MYBPC2: variants seen among roughly 807,000 people sequenced by gnomAD.
The protein encoded by MYBPC2 is myosin binding protein C2, also known as myosin-binding protein C, fast-type.
A neutral mutation model predicts 137.0 loss-of-function variants in MYBPC2; 122 were observed. The ratio of observed to expected loss-of-function variants is 0.89; its 90% CI spans 0.77 to 1.03. The LOEUF is 1.03. MYBPC2 is among the 50% of genes least tolerant of loss of function. The pLI is 0.00. For synonymous variants in MYBPC2, 626 were observed against 612.3 expected (o/e 1.02, Z -0.33); for missense variants, 1,500 against 1,534.4 (o/e 0.98, Z 0.37).
intron 4 of MYBPC2, 36 bp from the exon 5 acceptor site, chr19:50,436,581 G>T (rs746272032): frequency 6.4e-7 from 1 of 1,565,184 alleles, no homozygotes; most frequent in Non-Finnish European, 8.8e-7. Flanking sequence ...TCTAGAGGGT[G>T]GTCCCGTGCA....
intron 25 of MYBPC2, 97 bp downstream of exon 25, chr19:50,461,798 C>A: frequency 6.3e-7 from 1 of 1,584,936 alleles, no homozygotes; most frequent in South Asian, 1.1e-5. Flanking sequence ...CTGGGGTTGA[C>A]GGCACCTAGT....
intron 23 of MYBPC2, 74 bp downstream of exon 23, chr19:50,459,380 A>T: frequency 4.0e-5 from 21 of 523,208 alleles, no homozygotes; most frequent in African/African-American, 7.1e-5. Flanking sequence ...GAGGTAAGAG[A>T]TGAGGGGTGG....
intron 18 of MYBPC2, 31 bp downstream of exon 18, chr19:50,454,400 C>CCTG: frequency 7.0e-7 from 1 of 1,430,630 alleles, no homozygotes; most frequent in Non-Finnish European, 9.5e-7. Context: ...GACCTCTGAC[C>CCTG]TTCCCTCTTT....
At chr19:50,456,086 A>G (rs895698354) in intron 20 of MYBPC2, among the ~76,000 whole-genome samples, 6 of 113,076 alleles carry the variant, frequency 5.3e-5, no homozygotes, top group Admixed American at 4.2e-4. Flanking sequence ...CTTACCGTCC[A>G]TCCATCCATC....
intron 7 of MYBPC2, among the ~76,000 whole-genome samples, chr19:50,438,899 T>C (rs2039727074): frequency 6.6e-6 from 1 of 151,844 alleles, no homozygotes; most frequent in South Asian, 2.1e-4. Context: ...ATATCGGCAA[T>C]CTCATATGCA....
chr19:50,437,853 C>A, intron 7 of MYBPC2, 135 bp downstream of exon 7: 1 of 1,010,918 alleles, frequency 9.9e-7, no homozygotes, highest in Non-Finnish European at 1.5e-6. Context: ...TCACTCCCTG[C>A]CCACCCAGCA....
At chr19:50,462,391 C>A (rs1480053401) in intron 26 of MYBPC2, among the ~76,000 whole-genome samples, 6 of 151,956 alleles carry the variant, frequency 3.9e-5, no homozygotes, top group Non-Finnish European at 8.8e-5. Context: ...GCTATGTTGT[C>A]CAGGCTGGTC....
chr19:50,448,255 C>A lies in MYBPC2; in HGVS notation c.1337C>A (p.Ala446Glu). 6.2e-7 allele frequency: 1 copy of A among 1,613,656 alleles called. No homozygotes were observed. The highest frequency in any genetic ancestry group is 8.5e-7 in the Non-Finnish European group (1 of 1,179,688). Residue 446 changes from alanine (A) to glutamate (E), a missense_variant, in exon 13 of 28, where the codon GCG becomes GAG. Ala to Glu is a moderately radical substitution (Grantham distance 107, BLOSUM62 -1). Transcript: ENST00000357701. The stretch of plus-strand genomic sequence containing the variant: ...CAGCTGGAGGTCCTGCAGGACATCG[C>A]GGATCTGACGGTGAAGGCCTCAGAA... ...EKQLEVLQDI[A>E]DLTVKASEQA...
In MYBPC2 at chr19:50,458,962, A is replaced by ACTTTGC; in HGVS notation, c.2551_2552insCTTTGC (p.Ile851delinsThrLeuLeu). ...TCCCCGCCATCTCCGCCAGACCTAC[A>ACTTTGC]TCCGCAAAGTGGGCGAGCAGCTCAA... On this transcript the variant is annotated protein_altering_variant, in exon 22 of 28. Transcript: ENST00000357701. The ACTTTGC allele has an allele frequency of 1.2e-6, 2 of 1,612,526 alleles. No homozygotes were observed. Among genetic ancestry groups the ACTTTGC allele is most frequent in the South Asian group, 2.2e-5 (2 of 90,914 alleles).
At position 50,436,272 on chromosome 19, in the gene MYBPC2, G is replaced by A. The variant is rs942619526; in HGVS notation, c.345+112G>A. 5 of 1,446,032 alleles carry A rather than the reference G, an allele frequency of 3.5e-6. No homozygotes were observed. The African/African-American group carries it at 5.7e-5, about 16-fold the overall frequency. The allele number at this position is 1,446,032 out of a possible 1,614,324, so 89.6% of individuals were successfully genotyped here. ...TCAATGTGGGCCTGGAGCCGGGATGGAGAGTGGGCCCTCTGAGGATGGAGG... is the reference window on the plus strand; with the variant it reads ...TCAATGTGGGCCTGGAGCCGGGATGAAGAGTGGGCCCTCTGAGGATGGAGG... On this transcript the variant is annotated intron_variant, in intron 4 of 27. Coordinates refer to ENST00000357701, the MANE Select transcript of MYBPC2 (RefSeq NM_004533.4).
Position 50,441,073 on chromosome 19 carries a change from G to T in MYBPC2, c.766G>T (p.Ala256Ser), listed in dbSNP as rs754717085. Residue 256 changes from alanine to serine, a missense_variant, in exon 8 of 28, where the codon GCA becomes TCA. Ala to Ser is a moderately conservative substitution (Grantham distance 99). Transcript: ENST00000357701. The stretch of plus-strand genomic sequence containing the variant: ...GGCTAAGGTCGAGGTCAAGAAGAGT[G>T]CAGGTCAGCCCTGGTCTGGGGGGAG... ...KKAKVEVKKS[A>S]AFTKKLDPAY... 6.3e-7 allele frequency: 1 copy of T among 1,588,436 alleles called. No homozygotes were observed. The highest frequency in any genetic ancestry group is 1.3e-5 in the African/African-American group (1 of 74,292).
chr19:50,451,797 T>C (rs2039860886), intron 15 of MYBPC2, 67 bp from the exon 16 acceptor site: 9 of 1,548,730 alleles, frequency 5.8e-6, no homozygotes, highest in Non-Finnish European at 7.9e-6. Flanking sequence ...TTGGAGATTC[T>C]CTTGTGGGAA....
At chr19:50,459,804 G>T in intron 23 of MYBPC2, among the ~76,000 whole-genome samples, 1 of 147,264 alleles carries the variant, frequency 6.8e-6, no homozygotes, top group Non-Finnish European at 1.5e-5. Flanking sequence ...GAGGGAGATT[G>T]GGTGAAGAGA....
rs375353182 is a variant in MYBPC2, at chr19:50,445,932, C to T, written c.1186C>T (p.Arg396Cys). The change falls in exon 12 of 28, where the codon CGC (arginine) becomes TGC (cysteine). Residue 396 changes from arginine to cysteine, a missense_variant. Transcript: ENST00000357701. ...TREDSFKARY[R>C]FKKDGKRHIL... Reference sequence around the variant, plus strand: ...GGAGGATTCCTTCAAGGCCCGGTACCGCTTCAAGAAGGACGGGAAGCGCCA... The same window carrying T: ...GGAGGATTCCTTCAAGGCCCGGTACTGCTTCAAGAAGGACGGGAAGCGCCA... The T allele has an allele frequency of 1.3e-5, 21 of 1,610,940 alleles. No homozygotes were observed. Among genetic ancestry groups the T allele is most frequent in the African/African-American group, 2.7e-5 (2 of 74,876 alleles).
chr19:50,460,049 G>A lies in MYBPC2; in HGVS notation c.2801G>A (p.Gly934Glu). 6.4e-7 allele frequency: 1 copy of A among 1,553,204 alleles called. No individual in the cohort carries two copies. Among genetic ancestry groups the A allele is most frequent in the Non-Finnish European group, 8.7e-7 (1 of 1,148,224 alleles). The change falls in exon 24 of 28, where the codon GGG becomes GAG. Residue 934 changes from glycine to glutamate, a missense_variant. Physicochemically the swap from Gly to Glu is moderately conservative, Grantham distance 98. Coordinates refer to ENST00000357701, the MANE Select transcript of MYBPC2 (RefSeq NM_004533.4). The stretch of plus-strand genomic sequence containing the variant: ...ACTTCCCCATTTCCAGAAAAGGCTG[G>A]GCCCCCCATAAACGTGATGGTGAAG... Reference protein sequence around the residue: ...TIRIRVVEKAGPPINVMVKEV... With the variant: ...TIRIRVVEKAEPPINVMVKEV...
chr19:50,435,220 C>A lies in MYBPC2; in HGVS notation c.79C>A (p.Pro27Thr). The A allele has an allele frequency of 1.5e-6, 2 of 1,293,468 alleles. No homozygotes were observed. The highest frequency in any genetic ancestry group is 1.5e-5 in the African/African-American group (1 of 68,956). 80.1% of individuals were successfully genotyped at this position (1,293,468 alleles called of 1,614,324 possible). The change falls in exon 2 of 28, where the codon CCT becomes ACT. Residue 27 changes from proline to threonine, a missense_variant. Coordinates refer to ENST00000357701, the MANE Select transcript of MYBPC2 (RefSeq NM_004533.4). The surrounding 1 kb of genome is among the most constrained non-coding windows in gnomAD (Gnocchi z 4.8). ...APKGAPKEAPPKEAPAEAPKE... is the reference protein window; with the variant it reads ...APKGAPKEAPTKEAPAEAPKE... ...CAAAGGAGCCCCCAAGGAGGCTCCCCCTAAGGAGGCTCCTGCAGAGGCCCC... is the reference window on the plus strand; with the variant it reads ...CAAAGGAGCCCCCAAGGAGGCTCCCACTAAGGAGGCTCCTGCAGAGGCCCC...
At chr19:50,451,029 C>A in intron 14 of MYBPC2, 94 bp downstream of exon 14, 1 of 1,218,006 alleles carries the variant, frequency 8.2e-7, no homozygotes, top group Non-Finnish European at 1.2e-6. Context: ...TAAGGTTCCC[C>A]GAGTGCGAAT....
chr19:50,452,559 T>A (rs1420898280), intron 16 of MYBPC2, among the ~76,000 whole-genome samples: 1 of 152,082 alleles, frequency 6.6e-6, no homozygotes, highest in African/African-American at 2.4e-5. Context: ...TATCTATCTA[T>A]GTATCTATAT....
chr19:50,442,912 G>A (rs1364595299), intron 9 of MYBPC2, among the ~76,000 whole-genome samples: 4 of 151,570 alleles, frequency 2.6e-5, no homozygotes, highest in Non-Finnish European at 5.9e-5. Flanking sequence ...CAAGTAGCTG[G>A]GATGACAGGA....
Sources: gnomAD v4.1 joint callset for allele counts (sites outside exome capture counted in the v4.1 genomes callset) on GRCh38, gnomAD v4.1.1 for gene constraint, Gnocchi (gnomAD v3.1) non-coding constraint, MANE v1.5 for transcripts, NCBI Gene and HGNC (gene_info 2026-07-23, HGNC 2026-07-21) for gene names.